The following CFTR variants were observed in gnomAD, a reference collection of about 807,000 sequenced individuals.
CFTR encodes cystic fibrosis transmembrane conductance regulator.
A neutral mutation model predicts 171.6 loss-of-function variants in CFTR; 181 were observed. The ratio of observed to expected loss-of-function variants is 1.05; its 90% CI spans 0.93 to 1.19. The LOEUF is 1.19. Ranked by LOEUF, CFTR falls within the 50% of genes most tolerant of loss-of-function variation. The pLI, the probability that CFTR is intolerant of heterozygous loss-of-function variation, is 0.00. For missense variants in CFTR, 1,968 were observed against 1,734.7 expected (o/e 1.13, Z -2.39); for synonymous variants, 583 against 608.0 (o/e 0.96, Z 0.60).
chr7:117,598,079 G>T (rs751716626), intron 15 of CFTR, among the ~76,000 whole-genome samples: 3 of 152,186 alleles, frequency 2.0e-5, no homozygotes, highest in Admixed American at 6.5e-5. Flanking sequence ...TGAGGGAACT[G>T]GGGATCAGGT....
At chr7:117,548,606 A>ATGTGTG (rs3832534) in intron 9 of CFTR, 35 bp from the exon 10 acceptor site, 128 of 1,514,122 alleles carry the variant, frequency 8.5e-5, no homozygotes, top group South Asian at 1.3e-4. Flanking sequence ...TTTATTTTTG[A>ATGTGTG]TGTGTGTGTG....
chr7:117,631,652 CAG>C (rs1025330981), intron 22 of CFTR, among the ~76,000 whole-genome samples: 1 of 152,138 alleles, frequency 6.6e-6, no homozygotes, highest in Non-Finnish European at 1.5e-5. Flanking sequence ...GGTGGTATTC[CAG>C]AGAGAGCACA....
intron 3 of CFTR, among the ~76,000 whole-genome samples, chr7:117,523,593 G>C (rs1398623605): frequency 6.6e-6 from 1 of 152,026 alleles, no homozygotes; most frequent in Non-Finnish European, 1.5e-5. Flanking sequence ...TAGCCAGGAC[G>C]GTCTTGATCT....
At chr7:117,524,436 C>T (rs1185066847) in intron 3 of CFTR, among the ~76,000 whole-genome samples, 3 of 148,770 alleles carry the variant, frequency 2.0e-5, no homozygotes, top group Non-Finnish European at 3.0e-5. Context: ...ATGGTATTGA[C>T]ATTTGTCTAT....
intron 3 of CFTR, among the ~76,000 whole-genome samples, chr7:117,518,969 A>G (rs1798643550): frequency 6.6e-6 from 1 of 152,142 alleles, no homozygotes; most frequent in African/African-American, 2.4e-5. Context: ...AACCAAACCT[A>G]TTATTGCTGC....
rs770891254 is a variant in CFTR, at chr7:117,535,345, G to T, written c.677G>T (p.Gly226Val). The T allele has an allele frequency of 6.2e-7, 1 of 1,614,102 alleles. No homozygotes were observed. The highest frequency in any genetic ancestry group is 8.5e-7 in the Non-Finnish European group (1 of 1,180,026). ...WELLQASAFC[G>V]LGFLIVLALF... The stretch of plus-strand genomic sequence containing the variant: ...TTGTTACAGGCGTCTGCCTTCTGTG[G>T]ACTTGGTTTCCTGATAGTCCTTGCC... The change falls in exon 6 of 27, where the codon GGA becomes GTA. Residue 226 changes from glycine (G) to valine (V), a missense_variant. By Grantham distance (109) the Gly-to-Val change is moderately radical. Transcript: ENST00000003084.
chr7:117,504,101 G>T (rs902130924), intron 1 of CFTR, 152 bp from the exon 2 acceptor site: 9 of 679,330 alleles, frequency 1.3e-5, no homozygotes, highest in Admixed American at 8.3e-5. Flanking sequence ...TGTAAGAGAT[G>T]AAGCCTGGTA....
In CFTR at chr7:117,489,766, A is replaced by G. The variant is rs567778356; in HGVS notation, c.53+9619A>G. On this transcript the variant is annotated intron_variant, in intron 1 of 26. Transcript: ENST00000003084. ...ACAGCCCAGGATCATGTTCGGATCA[A>G]TCTAGTGTGCTAAAATTAACATATA... 7.2e-5 allele frequency among the ~76,000 whole-genome samples: 11 copies of G among 151,966 alleles called. No individual in the cohort carries two copies. In the East Asian group the frequency reaches 2.1e-3, roughly 29 times the overall value.
Position 117,514,970 on chromosome 7 carries a change from G to T in CFTR, c.273+5828G>T, listed in dbSNP as rs34453441. 3.7e-3 allele frequency among the ~76,000 whole-genome samples: 562 copies of T among 151,954 alleles called. 4 individuals carry two copies. Among genetic ancestry groups the T allele is most frequent in the African/African-American group, 9.7e-3 (403 of 41,486 alleles). ...TGTAAATGTCTTTTGTGAAGTGTCT[G>T]TTCATATCCTTTGCCCACCTTAATA... On this transcript the variant is annotated intron_variant, in intron 3 of 26. Transcript: ENST00000003084.
In CFTR at chr7:117,608,944, T is replaced by G. The variant is rs1792341354; in HGVS notation, c.2989-1575T>G. On this transcript the variant is annotated intron_variant, in intron 18 of 26. Transcript: ENST00000003084. ...AGTCCACTTAACATGAGATTTACCC[T>G]CTTAACAGATTTTTATGTGTAAAAT... Among the ~76,000 whole-genome samples, 3 of 152,230 alleles carry G rather than the reference T, an allele frequency of 2.0e-5. No individual in the cohort carries two copies. In the South Asian group the frequency reaches 6.2e-4, roughly 31 times the overall value.
intron 11 of CFTR, among the ~76,000 whole-genome samples, chr7:117,569,344 C>G (rs917904029): frequency 2.6e-5 from 4 of 152,048 alleles, no homozygotes; most frequent in Non-Finnish European, 5.9e-5. Flanking sequence ...ACGCAATGCT[C>G]AATAATGGTA....
At chr7:117,560,345 G>T (rs998786669) in intron 11 of CFTR, among the ~76,000 whole-genome samples, 6 of 152,062 alleles carry the variant, frequency 3.9e-5, no homozygotes, top group Non-Finnish European at 5.9e-5. Context: ...GTGATGGTGG[G>T]TTCAGTAGTT....
chr7:117,605,180 C>T lies in CFTR; in HGVS notation c.2908+1398C>T, dbSNP rs538203280. Among the ~76,000 whole-genome samples, 34 of 152,282 alleles carry T rather than the reference C, an allele frequency of 2.2e-4. No homozygotes were observed. The East Asian group carries it at 2.9e-3, about 13-fold the overall frequency. ...TTTCCAAGCTCCTCATTCCCTTTAACGCTGTTCATAGTTGGTTCCAAACCA... is the reference window on the plus strand; with the variant it reads ...TTTCCAAGCTCCTCATTCCCTTTAATGCTGTTCATAGTTGGTTCCAAACCA... On this transcript the variant is annotated intron_variant, in intron 17 of 26. Coordinates refer to ENST00000003084, the MANE Select transcript of CFTR (RefSeq NM_000492.4).
chr7:117,661,032 T>C (rs952185998), intron 24 of CFTR, among the ~76,000 whole-genome samples: 21 of 152,190 alleles, frequency 1.4e-4, no homozygotes, highest in Non-Finnish European at 4.4e-5. Flanking sequence ...AGAATTCTTA[T>C]CAGCACATGT....
At chr7:117,573,045 TCTCTCTCTCTCTTG>T (rs1156598551) in intron 11 of CFTR, among the ~76,000 whole-genome samples, 21 of 145,106 alleles carry the variant, frequency 1.4e-4, no homozygotes, top group Non-Finnish European at 2.0e-4. Flanking sequence ...TTTCTCTCTC[TCTCTCTCTCTCTTG>T]CTCTCTCTCT....
intron 3 of CFTR, among the ~76,000 whole-genome samples, chr7:117,511,191 C>T (rs2116644581): frequency 6.6e-6 from 1 of 152,258 alleles, no homozygotes; most frequent in South Asian, 2.1e-4. Context: ...CTTCCAGGGT[C>T]ACTTCAGGGG....
rs75961395 is a variant in CFTR at position 117,509,123 on chromosome 7, G to A, written c.254G>A (p.Gly85Glu). The change falls in exon 3 of 27, where the codon GGA becomes GAA. Residue 85 changes from glycine to glutamate, a missense_variant. Coordinates refer to ENST00000003084, the MANE Select transcript of CFTR (RefSeq NM_000492.4). ...RCFFWRFMFY[G>E]IFLYLGEVTK... Reference sequence around the variant, plus strand: ...TTTTTCTGGAGATTTATGTTCTATGGAATCTTTTTATATTTAGGGGTAAGG... The same window carrying A: ...TTTTTCTGGAGATTTATGTTCTATGAAATCTTTTTATATTTAGGGGTAAGG... The A allele has an allele frequency of 6.3e-5, 101 of 1,593,676 alleles. No homozygotes were observed. The highest frequency in any genetic ancestry group is 8.4e-5 in the Non-Finnish European group (98 of 1,161,832).
At chr7:117,486,889 G>T (rs1798083165) in intron 1 of CFTR, among the ~76,000 whole-genome samples, 1 of 134,574 alleles carries the variant, frequency 7.4e-6, no homozygotes, top group Non-Finnish European at 1.6e-5. Flanking sequence ...TGGGGGGGAG[G>T]GGGCGGGGAG....
At chr7:117,503,048 T>C (rs941651768) in intron 1 of CFTR, among the ~76,000 whole-genome samples, 19 of 152,188 alleles carry the variant, frequency 1.2e-4, no homozygotes, top group African/African-American at 4.6e-4. Context: ...AGATTGGATA[T>C]GAGGGCCACT....
Sources: allele counts gnomAD v4.1 joint callset (sites outside exome capture counted in the v4.1 genomes callset), GRCh38; gene constraint gnomAD v4.1.1; transcripts MANE v1.5; gene names NCBI Gene and HGNC (gene_info 2026-07-23, HGNC 2026-07-21).